FSTL5: variants seen among roughly 807,000 people sequenced by gnomAD.
FSTL5 encodes follistatin like 5, also known as follistatin-related protein 5.
In FSTL5, 62 loss-of-function variants were observed where a neutral mutation model predicts 89.1. The observed-to-expected ratio is 0.70, with a 90% CI of 0.57 to 0.86. The LOEUF (loss-of-function observed/expected upper bound fraction) is 0.86, where lower values mean the gene tolerates loss of function less well. Ranked by LOEUF, FSTL5 falls within the 40% of genes least tolerant of loss-of-function variation. The pLI is 0.00. For missense variants in FSTL5, 1,057 were observed against 1,001.6 expected (o/e 1.06, Z -0.75); for synonymous variants, 383 against 346.2 (o/e 1.11, Z -1.18).
chr4:161,998,720 T>G (rs1235125238), intron 3 of FSTL5, among the ~76,000 whole-genome samples: 1 of 152,138 alleles, frequency 6.6e-6, no homozygotes. Flanking sequence ...TCAATTCAAT[T>G]AAGATATTCA....
At chr4:161,559,752 T>C (rs1003773962) in intron 8 of FSTL5, among the ~76,000 whole-genome samples, 2 of 151,964 alleles carry the variant, frequency 1.3e-5, no homozygotes, top group Non-Finnish European at 2.9e-5. Flanking sequence ...CATGCCTTAC[T>C]TAATGAAGGT....
chr4:161,631,341 G>A (rs544028053), intron 7 of FSTL5, among the ~76,000 whole-genome samples: 1 of 152,134 alleles, frequency 6.6e-6, no homozygotes, highest in Non-Finnish European at 1.5e-5. Context: ...AATTCATGCG[G>A]CCCGGCACGG....
chr4:161,979,533 TCTCTC>T lies in FSTL5; in HGVS notation c.160+54087_160+54091del, dbSNP rs796884360. Reference sequence around the variant, plus strand: ...TTCCTCCCCCTTTCCTTTCTGTCTCTCTCTCTCTCTGTCTTCTCTCCCTCTTTCAT... The same window carrying T: ...TTCCTCCCCCTTTCCTTTCTGTCTCTTCTCTGTCTTCTCTCCCTCTTTCAT... On this transcript the variant is annotated intron_variant, in intron 3 of 15. Transcript: ENST00000306100. 3.2e-4 allele frequency among the ~76,000 whole-genome samples: 49 copies of T among 151,706 alleles called. No homozygotes were observed. The East Asian group carries it at 6.2e-3, about 19-fold the overall frequency.
chr4:161,548,989 G>GT (rs1335099036), intron 8 of FSTL5, among the ~76,000 whole-genome samples: 2 of 151,702 alleles, frequency 1.3e-5, no homozygotes, highest in Non-Finnish European at 2.9e-5. Context: ...AAAGCAAATA[G>GT]TTCTGGATGG....
At chr4:161,823,625 CT>C (rs1171374936) in intron 4 of FSTL5, among the ~76,000 whole-genome samples, 5 of 152,140 alleles carry the variant, frequency 3.3e-5, no homozygotes, top group Non-Finnish European at 7.3e-5. Context: ...GGATCCATGG[CT>C]GTGTGGCTGC....
At chr4:161,672,839 A>G (rs1453601806) in intron 6 of FSTL5, among the ~76,000 whole-genome samples, 1 of 151,974 alleles carries the variant, frequency 6.6e-6, no homozygotes, top group East Asian at 1.9e-4. Flanking sequence ...TATATCACTT[A>G]TAAAGCCAGG....
At chr4:161,628,190 T>C (rs1735377288) in intron 7 of FSTL5, among the ~76,000 whole-genome samples, 1 of 152,216 alleles carries the variant, frequency 6.6e-6, no homozygotes, top group Admixed American at 6.5e-5. Context: ...ATTCACACTG[T>C]GTCTGGCATG....
intron 2 of FSTL5, among the ~76,000 whole-genome samples, chr4:162,094,372 A>G (rs1296129362): frequency 6.6e-6 from 1 of 152,156 alleles, no homozygotes; most frequent in Non-Finnish European, 1.5e-5. Context: ...AAATTTTAGG[A>G]CCTAAAATTA....
chr4:162,149,688 T>G (rs1053458949), intron 1 of FSTL5, among the ~76,000 whole-genome samples: 3 of 152,010 alleles, frequency 2.0e-5, no homozygotes, highest in Non-Finnish European at 4.4e-5. Context: ...CCATGTAGTT[T>G]CAATTTGTCT....
chr4:161,399,757 G>T (rs777909184), intron 15 of FSTL5, among the ~76,000 whole-genome samples: 1 of 152,134 alleles, frequency 6.6e-6, no homozygotes, highest in Non-Finnish European at 1.5e-5. Context: ...CTCACGTGGA[G>T]TGGAGATGAT....
At chr4:161,890,607 G>A (rs1732954680) in intron 4 of FSTL5, among the ~76,000 whole-genome samples, 1 of 146,922 alleles carries the variant, frequency 6.8e-6, no homozygotes, top group South Asian at 2.2e-4. Context: ...AGAATCGCTT[G>A]AACCCGGGTG....
chr4:162,095,383 T>C (rs1004785038), intron 2 of FSTL5, among the ~76,000 whole-genome samples: 6 of 152,144 alleles, frequency 3.9e-5, no homozygotes, highest in Non-Finnish European at 5.9e-5. Context: ...TATGCTCTTG[T>C]GCATTGTGGA....
intron 2 of FSTL5, among the ~76,000 whole-genome samples, chr4:162,063,067 A>T (rs1162569266): frequency 6.6e-6 from 1 of 151,724 alleles, no homozygotes; most frequent in Non-Finnish European, 1.5e-5. Context: ...TATCCTGTTC[A>T]CTTCTTCAAT....
At chr4:161,533,687 A>C (rs1731499502) in intron 10 of FSTL5, among the ~76,000 whole-genome samples, 1 of 152,078 alleles carries the variant, frequency 6.6e-6, no homozygotes, top group Admixed American at 6.6e-5. Flanking sequence ...CTATTCAAAA[A>C]AATTGAGGAG....
chr4:161,489,226 G>A (rs905956531), intron 12 of FSTL5, among the ~76,000 whole-genome samples: 1 of 152,064 alleles, frequency 6.6e-6, no homozygotes, highest in Non-Finnish European at 1.5e-5. Flanking sequence ...GGCTTTTACA[G>A]TTACTGTAAA....
chr4:162,162,341 A>G (rs898665919), intron 1 of FSTL5, among the ~76,000 whole-genome samples: 32 of 152,160 alleles, frequency 2.1e-4, no homozygotes, highest in African/African-American at 7.2e-4. Context: ...ATTCAGTTGA[A>G]TAATACTTAT....
rs72987256 is a variant in FSTL5, at chr4:161,395,253, A to C, written c.1842-8804T>G. Among the ~76,000 whole-genome samples, 1,496 of 152,248 alleles carry C rather than the reference A, an allele frequency of 9.8e-3. 20 individuals are homozygous for C. Among genetic ancestry groups the C allele is most frequent in the East Asian group, 0.054 (279 of 5,186 alleles). Reference sequence around the variant, plus strand: ...AGAATATAGGTAACACTAGAAAATAAACTGTAAACCTACTGTTAAACTAGA... The same window carrying C: ...AGAATATAGGTAACACTAGAAAATACACTGTAAACCTACTGTTAAACTAGA... On this transcript the variant is annotated intron_variant, in intron 15 of 15. Coordinates refer to ENST00000306100, the MANE Select transcript of FSTL5 (RefSeq NM_020116.5).
At chr4:161,669,649 C>T (rs1737027604) in intron 6 of FSTL5, among the ~76,000 whole-genome samples, 1 of 151,882 alleles carries the variant, frequency 6.6e-6, no homozygotes, top group Non-Finnish European at 1.5e-5. Context: ...ACTAAAAGTA[C>T]ATCACAGACT....
intron 7 of FSTL5, among the ~76,000 whole-genome samples, chr4:161,605,213 G>A (rs923514772): frequency 6.6e-6 from 1 of 152,070 alleles, no homozygotes; most frequent in Non-Finnish European, 1.5e-5. Flanking sequence ...TTTTCAATTT[G>A]TGAAAATTCA....
Sources: allele counts gnomAD v4.1 joint callset (sites outside exome capture counted in the v4.1 genomes callset), GRCh38; gene constraint gnomAD v4.1.1; transcripts MANE v1.5; gene names NCBI Gene and HGNC (gene_info 2026-07-23, HGNC 2026-07-21).